The following SPOCK3 variants were observed in gnomAD, a reference collection of about 807,000 sequenced individuals.
SPOCK3 encodes testican-3.
Under a neutral mutation model 56.6 loss-of-function variants are expected in SPOCK3, and 30 were observed. The ratio of observed to expected loss-of-function variants is 0.53; its 90% CI spans 0.40 to 0.72. SPOCK3 has a LOEUF of 0.72. SPOCK3 is among the 30% of genes least tolerant of loss of function. The pLI is 0.00. For synonymous variants in SPOCK3, 196 were observed against 183.3 expected (o/e 1.07, Z -0.56); for missense variants, 527 against 530.0 (o/e 0.99, Z 0.06).
chr4:167,133,423 A>T (rs1413861566), intron 2 of SPOCK3, among the ~76,000 whole-genome samples: 2 of 152,136 alleles, frequency 1.3e-5, no homozygotes, highest in Non-Finnish European at 2.9e-5. Flanking sequence ...CGGAACTGTA[A>T]CATAATAAAT....
At chr4:167,101,812 T>C (rs143535264) in intron 2 of SPOCK3, among the ~76,000 whole-genome samples, 209 of 141,790 alleles carry the variant, frequency 1.5e-3, no homozygotes, top group African/African-American at 4.7e-3. Context: ...AACCTCCACC[T>C]CCCAGGTTCA....
intron 6 of SPOCK3, among the ~76,000 whole-genome samples, chr4:166,874,894 C>T (rs1328030745): frequency 6.6e-6 from 1 of 151,966 alleles, no homozygotes; most frequent in Admixed American, 6.6e-5. Context: ...ATGTCAATAC[C>T]TTCTATTTAT....
chr4:166,834,442 T>A lies in SPOCK3; in HGVS notation c.590-42153A>T, dbSNP rs1164662117. On this transcript the variant is annotated intron_variant, in intron 6 of 10. Coordinates refer to ENST00000357545, the MANE Select transcript of SPOCK3 (RefSeq NM_001040159.2). ...TGGCTTTGCCACCACTGCTCTCTGA[T>A]GAGCTCAAGAAGATTAAAAATTTTT... Among the ~76,000 whole-genome samples the A allele has an allele frequency of 2.6e-5, 4 of 152,318 alleles. No homozygotes were observed. In the East Asian group the frequency reaches 7.7e-4, roughly 29 times the overall value.
intron 3 of SPOCK3, among the ~76,000 whole-genome samples, chr4:167,043,764 C>A (rs756104065): frequency 6.6e-6 from 1 of 151,676 alleles, no homozygotes; most frequent in Non-Finnish European, 1.5e-5. Flanking sequence ...ATTGAGCCAG[C>A]CTTGCATTCC....
intron 2 of SPOCK3, among the ~76,000 whole-genome samples, chr4:167,110,632 T>C (rs796457724): frequency 6.6e-6 from 1 of 152,028 alleles, no homozygotes; most frequent in Non-Finnish European, 1.5e-5. Context: ...TATTTAATCA[T>C]TTATCCATAA....
intron 2 of SPOCK3, among the ~76,000 whole-genome samples, chr4:167,212,194 T>C (rs2111036819): frequency 6.6e-6 from 1 of 152,284 alleles, no homozygotes; most frequent in East Asian, 1.9e-4. Flanking sequence ...ATTTTAGATT[T>C]TTCAGTACAG....
At chr4:167,084,918 C>G (rs1015061759) in intron 2 of SPOCK3, among the ~76,000 whole-genome samples, 63 of 151,764 alleles carry the variant, frequency 4.2e-4, no homozygotes, top group African/African-American at 1.5e-3. Context: ...ACAAACAGCC[C>G]CTGGAAATTC....
chr4:167,232,102 A>T (rs1737236491), intron 2 of SPOCK3, among the ~76,000 whole-genome samples: 1 of 152,102 alleles, frequency 6.6e-6, no homozygotes, highest in Admixed American at 6.6e-5. Flanking sequence ...TGACTCCATA[A>T]ATTCTAGCAT....
intron 5 of SPOCK3, 34 bp from the exon 6 acceptor site, chr4:166,889,278 T>C (rs753982959): frequency 3.0e-6 from 4 of 1,343,782 alleles, no homozygotes. Flanking sequence ...GTAATTCAAA[T>C]GCTTTAGTTA....
intron 2 of SPOCK3, among the ~76,000 whole-genome samples, chr4:167,109,928 C>G (rs1760755073): frequency 6.6e-6 from 1 of 151,950 alleles, no homozygotes; most frequent in Admixed American, 6.6e-5. Flanking sequence ...TCTCGTCTTA[C>G]TAGCCTGAAC....
At chr4:166,905,197 TTACCACAACTAG>T (rs1235226442) in intron 5 of SPOCK3, among the ~76,000 whole-genome samples, 1 of 152,042 alleles carries the variant, frequency 6.6e-6, no homozygotes, top group Non-Finnish European at 1.5e-5. Context: ...AGAACTTCTA[TTACCACAACTAG>T]TATATGCCTA....
intron 2 of SPOCK3, among the ~76,000 whole-genome samples, chr4:167,176,833 G>T (rs1032553803): frequency 6.6e-6 from 1 of 152,226 alleles, no homozygotes; most frequent in East Asian, 1.9e-4. Flanking sequence ...AGTGGTTCAC[G>T]GGGGCAGAGA....
intron 7 of SPOCK3, 152 bp from the exon 8 acceptor site, chr4:166,754,881 A>G: frequency 3.0e-6 from 2 of 675,552 alleles, no homozygotes; most frequent in Non-Finnish European, 5.0e-6. Context: ...AGTTTGTTTC[A>G]AATTGAAGTG....
At chr4:166,996,510 G>A (rs1240096695) in intron 4 of SPOCK3, among the ~76,000 whole-genome samples, 2 of 152,122 alleles carry the variant, frequency 1.3e-5, no homozygotes, top group Admixed American at 1.3e-4. Context: ...CAAAGCTTGG[G>A]AAACCCATCA....
chr4:166,766,864 G>T (rs1391541588), intron 7 of SPOCK3, among the ~76,000 whole-genome samples: 2 of 152,242 alleles, frequency 1.3e-5, no homozygotes, highest in Non-Finnish European at 2.9e-5. Context: ...CTCAATTTCG[G>T]AACCTGTTAT....
chr4:166,970,085 T>G (rs1357737417), intron 4 of SPOCK3, among the ~76,000 whole-genome samples: 1 of 152,194 alleles, frequency 6.6e-6, no homozygotes, highest in Non-Finnish European at 1.5e-5. Flanking sequence ...TAGTCTTTCT[T>G]TTGCCAAAAT....
In SPOCK3 at chr4:167,000,375, G is replaced by A; in HGVS notation, c.324C>T (p.Cys108=). 6.3e-7 allele frequency: 1 copy of A among 1,591,760 alleles called. No homozygotes were observed. The highest frequency in any genetic ancestry group is 8.6e-7 in the Non-Finnish European group (1 of 1,164,044). Residue 108 remains cysteine, a synonymous_variant, in exon 4 of 11, where the codon TGC becomes TGT. Transcript: ENST00000357545. ...CIAQDSQTAV[C]ISHRRLTHRM... ...TGTGTGTAAGCCTCCGGTGACTAAT[G>A]CAGACTGCAGTCTGAGAATCTTGAG...
intron 6 of SPOCK3, among the ~76,000 whole-genome samples, chr4:166,846,699 C>A (rs906921521): frequency 6.6e-6 from 1 of 151,948 alleles, no homozygotes; most frequent in Non-Finnish European, 1.5e-5. Flanking sequence ...GAGCTTAATA[C>A]TGTAGTGTTA....
chr4:166,924,229 A>G (rs567015443), intron 4 of SPOCK3, among the ~76,000 whole-genome samples: 2 of 152,008 alleles, frequency 1.3e-5, no homozygotes, highest in African/African-American at 4.8e-5. Context: ...ATTTAACATA[A>G]TTTCTTCCCT....
Sources: allele counts gnomAD v4.1 joint callset (sites outside exome capture counted in the v4.1 genomes callset), GRCh38; gene constraint gnomAD v4.1.1; transcripts MANE v1.5; gene names NCBI Gene and HGNC (gene_info 2026-07-23, HGNC 2026-07-21).